Variants in DAPK1 observed in about 807,000 individuals in gnomAD.
DAPK1 encodes the protein death-associated protein kinase 1.
A neutral mutation model predicts 144.9 loss-of-function variants in DAPK1; 56 were observed. The ratio of observed to expected loss-of-function variants is 0.39; its 90% CI spans 0.31 to 0.48. The LOEUF (loss-of-function observed/expected upper bound fraction) is 0.48, where lower values mean the gene tolerates loss of function less well. Ranked by LOEUF, DAPK1 falls within the 20% of genes least tolerant of loss-of-function variation. The pLI is 0.95. For synonymous variants in DAPK1, 690 were observed against 749.0 expected (o/e 0.92, Z 1.29); for missense variants, 1,454 against 1,875.4 (o/e 0.78, Z 4.15).
intron 2 of DAPK1, among the ~76,000 whole-genome samples, chr9:87,515,399 A>G (rs1369917650): frequency 2.0e-5 from 3 of 152,236 alleles, no homozygotes; most frequent in Admixed American, 2.0e-4. Flanking sequence ...AAGAGATTAA[A>G]TAATTTAATA....
intron 2 of DAPK1, among the ~76,000 whole-genome samples, chr9:87,601,004 A>G (rs567740455): frequency 3.8e-4 from 58 of 152,240 alleles, no homozygotes; most frequent in African/African-American, 1.3e-3. Flanking sequence ...AAAAGTAAAC[A>G]CACAAGCTGT....
chr9:87,539,713 C>T (rs931880649), intron 2 of DAPK1, among the ~76,000 whole-genome samples: 29 of 152,132 alleles, frequency 1.9e-4, no homozygotes, highest in Admixed American at 1.6e-3. Context: ...CCACTGGGCC[C>T]AGCCAAATTT....
intron 2 of DAPK1, among the ~76,000 whole-genome samples, chr9:87,526,485 A>G (rs1339531487): frequency 6.6e-6 from 1 of 152,080 alleles, no homozygotes; most frequent in Non-Finnish European, 1.5e-5. Flanking sequence ...TTAATAGTTC[A>G]TCTCTTTTTT....
Position 87,605,212 on chromosome 9 carries a change from G to A in DAPK1, c.284+37G>A, listed in dbSNP as rs1171442322. The stretch of plus-strand genomic sequence containing the variant: ...CTGGGCCAGGCTGGGGAGAGGGTGT[G>A]GTGGGCGTCAGCTGGCATCTTCGTT... On this transcript the variant is annotated intron_variant, in intron 3 of 25. Coordinates refer to ENST00000408954, the MANE Select transcript of DAPK1 (RefSeq NM_004938.4). The A allele has an allele frequency of 4.5e-6, 7 of 1,558,930 alleles. No individual in the cohort carries two copies. The Admixed American group carries it at 1.2e-4, about 26-fold the overall frequency.
chr9:87,650,792 G>C (rs954612560), intron 16 of DAPK1, among the ~76,000 whole-genome samples: 7 of 152,168 alleles, frequency 4.6e-5, no homozygotes, highest in African/African-American at 1.7e-4. Context: ...GCTAGAGATG[G>C]GGGTTGCTAC....
chr9:87,607,940 T>C (rs190284411), intron 3 of DAPK1, among the ~76,000 whole-genome samples: 565 of 152,228 alleles, frequency 3.7e-3, no homozygotes, highest in Non-Finnish European at 6.8e-3. Flanking sequence ...GAAGCATGGC[T>C]GGGGAGGCCT....
At position 87,681,535 on chromosome 9, in the gene DAPK1, G is replaced by C. The variant is rs753622547; in HGVS notation, c.2133G>C (p.Leu711=). 1 of 1,612,150 alleles carries C rather than the reference G, an allele frequency of 6.2e-7. No homozygotes were observed. The highest frequency in any genetic ancestry group is 2.2e-5 in the East Asian group (1 of 44,856). ...TTLVESLKCG[L]LRSFFRRRRP... ...TTGTAGAATCTCTCAAGTGTGGGCT[G>C]CTGAGGAGCTTTTTCAGAAGGCGTC... is the stretch of plus-strand genomic sequence containing the variant. The change falls in exon 20 of 26, where the codon CTG becomes CTC. Residue 711 remains leucine, a synonymous_variant. Transcript: ENST00000408954.
chr9:87,542,841 G>A (rs1298721317), intron 2 of DAPK1, among the ~76,000 whole-genome samples: 1 of 152,064 alleles, frequency 6.6e-6, no homozygotes, highest in African/African-American at 2.4e-5. Context: ...TTCAGCAATG[G>A]GATGCCCACA....
At position 87,708,251 on chromosome 9, in the gene DAPK1, A is replaced by G. The variant is rs538972951; in HGVS notation, c.*887A>G. 5.9e-6 allele frequency: 1 copy of G among 170,028 alleles called. No homozygotes were observed. Among genetic ancestry groups the G allele is most frequent in the Admixed American group, 6.1e-5 (1 of 16,420 alleles). The allele number at this position is 170,028 out of a possible 1,614,324, so 10.5% of individuals were successfully genotyped here. ...GGTTGACACAGTTGTAGGGTTACAG[A>G]GACCTATGTAAGAATTCAGAAGACC... is the stretch of plus-strand genomic sequence containing the variant. On this transcript the variant is annotated 3_prime_UTR_variant, in exon 26 of 26. Transcript: ENST00000408954.
At chr9:87,646,035 A>G in intron 12 of DAPK1, 21 bp downstream of exon 12, 3 of 1,610,096 alleles carry the variant, frequency 1.9e-6, no homozygotes, top group South Asian at 2.2e-5. Flanking sequence ...GTTCTGCCGC[A>G]TACTGGAGGG....
chr9:87,521,483 C>G (rs770012909), intron 2 of DAPK1, among the ~76,000 whole-genome samples: 39 of 152,138 alleles, frequency 2.6e-4, no homozygotes, highest in African/African-American at 9.4e-4. Flanking sequence ...AGTTCTTATC[C>G]CATGAGGACA....
At chr9:87,609,954 C>T (rs1828869119) in intron 3 of DAPK1, among the ~76,000 whole-genome samples, 1 of 152,202 alleles carries the variant, frequency 6.6e-6, no homozygotes, top group South Asian at 2.1e-4. Flanking sequence ...CCATGCCCAT[C>T]CTTCCCACTG....
At chr9:87,548,774 G>A (rs917842351) in intron 2 of DAPK1, among the ~76,000 whole-genome samples, 2 of 152,090 alleles carry the variant, frequency 1.3e-5, no homozygotes, top group African/African-American at 2.4e-5. Context: ...TGTACCTGAG[G>A]TTCTCAGCCG....
rs574271309 is a variant in DAPK1 at position 87,634,803 on chromosome 9, G to A, written c.285-3140G>A. On this transcript the variant is annotated intron_variant, in intron 3 of 25. Transcript: ENST00000408954. ...CGGTCCCTGACATCACGTGGGGAGG[G>A]AGTTTGAGATGGCCATGGTGGGAAT... Among the ~76,000 whole-genome samples, 159 of 152,266 alleles carry A rather than the reference G, an allele frequency of 1.0e-3. 2 individuals carry two copies. The highest frequency in any genetic ancestry group is 8.3e-3 in the South Asian group (40 of 4,826).
chr9:87,507,463 C>G (rs1367337799), intron 2 of DAPK1, among the ~76,000 whole-genome samples: 1 of 152,218 alleles, frequency 6.6e-6, no homozygotes. Context: ...CCTCAGCCTC[C>G]CAAAGTGTTG....
rs902977778 is a variant in DAPK1, at chr9:87,511,422, G to T, written c.62+12283G>T. Reference sequence around the variant, plus strand: ...AAAGTCCACAAGACACCATGGGAAAGGGAGGGAAAAGCTTCATGTTAAGGA... The same window carrying T: ...AAAGTCCACAAGACACCATGGGAAATGGAGGGAAAAGCTTCATGTTAAGGA... On this transcript the variant is annotated intron_variant, in intron 2 of 25. Transcript: ENST00000408954. 5.3e-5 allele frequency among the ~76,000 whole-genome samples: 8 copies of T among 152,188 alleles called. No individual in the cohort carries two copies. In the South Asian group the frequency reaches 6.2e-4, roughly 12 times the overall value.
intron 2 of DAPK1, among the ~76,000 whole-genome samples, chr9:87,512,509 G>A (rs112524411): frequency 6.6e-6 from 1 of 152,174 alleles, no homozygotes; most frequent in African/African-American, 2.4e-5. Flanking sequence ...CTGAAAGGCT[G>A]GATTGTTAGG....
intron 2 of DAPK1, among the ~76,000 whole-genome samples, chr9:87,537,278 A>G (rs189125512): frequency 6.6e-6 from 1 of 152,098 alleles, no homozygotes; most frequent in Non-Finnish European, 1.5e-5. Context: ...GAGCCACCGC[A>G]TCCAGCCCCT....
chr9:87,686,787 A>G lies in DAPK1; in HGVS notation c.2413+48A>G. 4.1e-6 allele frequency: 6 copies of G among 1,473,244 alleles called. No individual in the cohort carries two copies. The South Asian group carries it at 7.1e-5, about 17-fold the overall frequency. 91.3% of individuals were successfully genotyped at this position (1,473,244 alleles called of 1,614,324 possible). On this transcript the variant is annotated intron_variant, in intron 21 of 25. Coordinates refer to ENST00000408954, the MANE Select transcript of DAPK1 (RefSeq NM_004938.4). This position sits in a 1 kb window ranked among gnomAD's most constrained non-coding sequence, Gnocchi z 4.2. The stretch of plus-strand genomic sequence containing the variant: ...GAAGGACCTCAGGTTTCCCTTCAAC[A>G]GGGTTGTAAGTCATCCCTAAAGGGA...
Sources: gnomAD v4.1 joint callset for allele counts (sites outside exome capture counted in the v4.1 genomes callset) on GRCh38, gnomAD v4.1.1 for gene constraint, Gnocchi (gnomAD v3.1) non-coding constraint, MANE v1.5 for transcripts, NCBI Gene and HGNC (gene_info 2026-07-23, HGNC 2026-07-21) for gene names.